The following SPRYD7 variants were observed in gnomAD, a reference collection of about 807,000 sequenced individuals.
SPRYD7 encodes the protein SPRY domain-containing protein 7.
Under a neutral mutation model 23.8 loss-of-function variants are expected in SPRYD7, and 14 were observed. That is an observed-to-expected ratio of 0.59 (90% CI 0.39 to 0.92). SPRYD7 has a LOEUF of 0.92. Among genes scored for constraint, SPRYD7 ranks in the 40% least tolerant of loss-of-function variants. The pLI, the probability that SPRYD7 is intolerant of heterozygous loss-of-function variation, is 0.00. For missense variants in SPRYD7, 194 were observed against 241.7 expected, an observed-to-expected ratio of 0.80 and a Z score of 1.31; for synonymous variants, 75 against 84.9, an observed-to-expected ratio of 0.88 and a Z score of 0.64.
At chr13:49,930,920 C>T (rs150006497) in intron 2 of SPRYD7, 98 bp downstream of exon 2, 32 of 697,332 alleles carry the variant, frequency 4.6e-5, no homozygotes, top group South Asian at 1.3e-4. Context: ...GAGTTTGGTG[C>T]TTTTATATTA....
rs1871630669 is a variant in SPRYD7 at position 49,936,290 on chromosome 13, C to T, written c.-55G>A. On this transcript the variant is annotated 5_prime_UTR_variant, in exon 1 of 5. Transcript: ENST00000361840. ...CCCTAGACCGAGGCGACACTGCCCC[C>T]CGCCGCTCAGCTCCGTCTCCTGCCC... is the stretch of plus-strand genomic sequence containing the variant. 1.5e-6 allele frequency: 2 copies of T among 1,329,664 alleles called. No homozygotes were observed. The highest frequency in any genetic ancestry group is 1.3e-5 in the South Asian group (1 of 77,474). The allele number at this position is 1,329,664 out of a possible 1,614,324, so 82.4% of individuals were successfully genotyped here.
At chr13:49,931,336 C>T (rs1052242228) in intron 1 of SPRYD7, among the ~76,000 whole-genome samples, 1 of 152,138 alleles carries the variant, frequency 6.6e-6, no homozygotes, top group Non-Finnish European at 1.5e-5. Context: ...TGCACCACCA[C>T]ACCTGGCTAA....
chr13:49,921,639 G>A, intron 3 of SPRYD7, 59 bp from the exon 4 acceptor site: 1 of 1,059,922 alleles, frequency 9.4e-7, no homozygotes, highest in Non-Finnish European at 1.5e-6. Flanking sequence ...AGCATTGACT[G>A]GGAAGTATGG....
intron 3 of SPRYD7, among the ~76,000 whole-genome samples, chr13:49,922,787 A>C (rs1204279302): frequency 2.0e-5 from 3 of 150,040 alleles, no homozygotes; most frequent in Non-Finnish European, 3.0e-5. Flanking sequence ...CTGTGGATAC[A>C]TTCTATCAAG....
intron 2 of SPRYD7, among the ~76,000 whole-genome samples, chr13:49,930,647 A>C (rs192817896): frequency 9.0e-4 from 137 of 152,308 alleles, no homozygotes; most frequent in African/African-American, 2.8e-3. Context: ...ATAAATAGCA[A>C]GAGTATATGC....
chr13:49,918,078 G>A (rs1955772276), intron 4 of SPRYD7, among the ~76,000 whole-genome samples: 2 of 151,964 alleles, frequency 1.3e-5, no homozygotes, highest in Non-Finnish European at 2.9e-5. Flanking sequence ...TTTTGCTTTT[G>A]AGACAGGGTC....
chr13:49,924,986 A>AT (rs1955863642), intron 3 of SPRYD7, among the ~76,000 whole-genome samples: 2 of 134,148 alleles, frequency 1.5e-5, no homozygotes, highest in Admixed American at 1.5e-4. Flanking sequence ...CAAAAAAAAA[A>AT]AATAAATAAA....
intron 1 of SPRYD7, among the ~76,000 whole-genome samples, chr13:49,933,345 A>ATT (rs1335123170): frequency 6.6e-6 from 1 of 152,196 alleles, no homozygotes; most frequent in Admixed American, 6.5e-5. Flanking sequence ...TAACACCTGT[A>ATT]ATCCCAGCTC....
In SPRYD7 at chr13:49,913,446, A is replaced by G. The variant is rs1340853220; in HGVS notation, c.*1617T>C. On this transcript the variant is annotated 3_prime_UTR_variant, in exon 5 of 5. Transcript: ENST00000361840. ...AAAAAAAAACGAGAAAAAAAAAAAA[A>G]GAAAGAAAACCACTTTCCCTGATAC... 6.7e-6 allele frequency: 1 copy of G among 148,254 alleles called. No homozygotes were observed. Among genetic ancestry groups the G allele is most frequent in the African/African-American group, 2.6e-5 (1 of 38,120 alleles). 9.2% of individuals were successfully genotyped at this position (148,254 alleles called of 1,614,324 possible).
chr13:49,935,910 T>C (rs1017524296), intron 1 of SPRYD7, among the ~76,000 whole-genome samples: 1 of 151,900 alleles, frequency 6.6e-6, no homozygotes, highest in African/African-American at 2.4e-5. Context: ...ACACGCCCAT[T>C]CGCGATGACA....
rs145600695 is a variant in SPRYD7 at position 49,918,031 on chromosome 13, T to C, written c.494-2871A>G. Among the ~76,000 whole-genome samples, 168 of 152,346 alleles carry C rather than the reference T, an allele frequency of 1.1e-3. 1 individual carries two copies. The highest frequency in any genetic ancestry group is 2.5e-3 in the Admixed American group (39 of 15,304). The stretch of plus-strand genomic sequence containing the variant: ...ATTCTGACATCCCAGTTTGTCATCA[T>C]TGATACTGCTATTTTTATTTTAGTA... On this transcript the variant is annotated intron_variant, in intron 4 of 4. Transcript: ENST00000361840.
intron 4 of SPRYD7, among the ~76,000 whole-genome samples, chr13:49,920,854 G>A (rs750710791): frequency 9.9e-5 from 15 of 151,996 alleles, no homozygotes; most frequent in Admixed American, 3.3e-4. Flanking sequence ...CCAGTTACTC[G>A]GGAGGCTGAG....
chr13:49,922,908 T>A (rs751919530), intron 3 of SPRYD7, among the ~76,000 whole-genome samples: 7 of 152,104 alleles, frequency 4.6e-5, no homozygotes, highest in Non-Finnish European at 7.4e-5. Flanking sequence ...ATGTGGTAAG[T>A]GGTATGAAAG....
rs76229911 is a variant in SPRYD7 at position 49,935,155 on chromosome 13, T to C, written c.106+975A>G. Among the ~76,000 whole-genome samples, 24 of 152,326 alleles carry C rather than the reference T, an allele frequency of 1.6e-4. No individual in the cohort carries two copies. In the East Asian group the frequency reaches 4.4e-3, roughly 28 times the overall value. The stretch of plus-strand genomic sequence containing the variant: ...ACAGTGGGCAGAGTGTTTCCAGAAT[T>C]ATAAGGAAACTGGGCGAGAGAGTTT... On this transcript the variant is annotated intron_variant, in intron 1 of 4. Coordinates refer to ENST00000361840, the MANE Select transcript of SPRYD7 (RefSeq NM_020456.4).
intron 4 of SPRYD7, among the ~76,000 whole-genome samples, chr13:49,920,987 A>G (rs1044743101): frequency 2.0e-5 from 3 of 152,064 alleles, no homozygotes; most frequent in African/African-American, 7.2e-5. Flanking sequence ...AATAAAATAA[A>G]AAGGTCCTTA....
intron 2 of SPRYD7, among the ~76,000 whole-genome samples, chr13:49,930,807 T>A (rs1318936086): frequency 6.6e-6 from 1 of 152,166 alleles, no homozygotes; most frequent in Admixed American, 6.5e-5. Context: ...GGGCAGCTCC[T>A]GTAATACCCA....
chr13:49,931,354 T>C (rs755561651), intron 1 of SPRYD7, among the ~76,000 whole-genome samples: 1 of 152,106 alleles, frequency 6.6e-6, no homozygotes, highest in Non-Finnish European at 1.5e-5. Context: ...TAAATTTTTA[T>C]ATTTTTAGTA....
chr13:49,927,129 T>C (rs747947022), intron 3 of SPRYD7, among the ~76,000 whole-genome samples: 5 of 152,168 alleles, frequency 3.3e-5, no homozygotes, highest in African/African-American at 4.8e-5. Flanking sequence ...TTAATTAGGT[T>C]AAGTTTAATG....
intron 4 of SPRYD7, among the ~76,000 whole-genome samples, chr13:49,917,720 T>C (rs1955768424): frequency 6.6e-6 from 1 of 152,240 alleles, no homozygotes; most frequent in Non-Finnish European, 1.5e-5. Context: ...AGTTAACTTG[T>C]ATAACTGTCA....
Sources: allele counts gnomAD v4.1 joint callset (sites outside exome capture counted in the v4.1 genomes callset), GRCh38; gene constraint gnomAD v4.1.1; transcripts MANE v1.5; gene names NCBI Gene and HGNC (gene_info 2026-07-23, HGNC 2026-07-21).